The following CDH13 variants were observed in gnomAD, a reference collection of about 807,000 sequenced individuals.
CDH13 encodes the protein cadherin-13.
A neutral mutation model predicts 63.8 loss-of-function variants in CDH13; 24 were observed. That is an observed-to-expected ratio of 0.38 (90% CI 0.27 to 0.53). The LOEUF is 0.53. Ranked by LOEUF, CDH13 falls within the 20% of genes least tolerant of loss-of-function variation. CDH13 has a pLI of 0.85. For missense variants in CDH13, 1,049 were observed against 903.1 expected (o/e 1.16, Z -2.07); for synonymous variants, 503 against 355.3 (o/e 1.42, Z -4.67).
intron 8 of CDH13, among the ~76,000 whole-genome samples, chr16:83,624,059 G>A (rs750003354): frequency 7.2e-5 from 11 of 152,116 alleles, no homozygotes; most frequent in Non-Finnish European, 1.3e-4. Context: ...GTGCAGCTGC[G>A]TCTAAGCCCT....
chr16:83,111,356 TTAAAG>T (rs1433038788), intron 3 of CDH13, among the ~76,000 whole-genome samples: 2 of 152,072 alleles, frequency 1.3e-5, no homozygotes, highest in Admixed American at 1.3e-4. Context: ...GTGATTACAC[TTAAAG>T]TAGAGAGTCA....
intron 2 of CDH13, among the ~76,000 whole-genome samples, chr16:82,960,712 A>G (rs1228552502): frequency 6.6e-6 from 1 of 152,160 alleles, no homozygotes; most frequent in African/African-American, 2.4e-5. Context: ...CAAGTCTTAT[A>G]GAGGCTCATT....
At chr16:83,570,839 TTTTTA>T (rs1904529984) in intron 7 of CDH13, among the ~76,000 whole-genome samples, 1 of 53,616 alleles carries the variant, frequency 1.9e-5, no homozygotes, top group South Asian at 5.9e-4. Context: ...AAAATTTATA[TTTTTA>T]TATATATAAA....
intron 5 of CDH13, among the ~76,000 whole-genome samples, chr16:83,222,291 A>G (rs1163181862): frequency 1.3e-5 from 2 of 152,230 alleles, no homozygotes; most frequent in Non-Finnish European, 2.9e-5. Context: ...AAATTGAAAT[A>G]CAACTGGCAT....
At chr16:82,664,831 A>T (rs993795359) in intron 1 of CDH13, among the ~76,000 whole-genome samples, 17 of 152,334 alleles carry the variant, frequency 1.1e-4, no homozygotes, top group Non-Finnish European at 2.5e-4. Flanking sequence ...AATATATTTG[A>T]TACAGATATT....
At chr16:83,050,316 G>C (rs1365168580) in intron 3 of CDH13, among the ~76,000 whole-genome samples, 1 of 152,140 alleles carries the variant, frequency 6.6e-6, no homozygotes, top group Non-Finnish European at 1.5e-5. Context: ...CCCTAGGAGT[G>C]GAATTGCTGG....
intron 2 of CDH13, among the ~76,000 whole-genome samples, chr16:82,888,231 G>C (rs1051337284): frequency 1.3e-5 from 2 of 152,134 alleles, no homozygotes. Flanking sequence ...TCAGACGGGC[G>C]CTCCCATTGC....
chr16:82,793,952 T>C (rs1344438297), intron 1 of CDH13, among the ~76,000 whole-genome samples: 2 of 151,996 alleles, frequency 1.3e-5, no homozygotes, highest in African/African-American at 2.4e-5. Context: ...GCCAGGCTTT[T>C]ACTGGGTGGA....
chr16:83,333,201 A>G (rs1371654740), intron 5 of CDH13, among the ~76,000 whole-genome samples: 1 of 152,194 alleles, frequency 6.6e-6, no homozygotes, highest in African/African-American at 2.4e-5. Context: ...TTTAACTTGA[A>G]TAAGTGAAAT....
chr16:82,647,800 T>A (rs2150901621), intron 1 of CDH13, among the ~76,000 whole-genome samples: 1 of 152,266 alleles, frequency 6.6e-6, no homozygotes, highest in East Asian at 1.9e-4. Context: ...GGTGGTGAGC[T>A]GTCTGTCAGT....
At chr16:83,361,532 A>G (rs1375042578) in intron 6 of CDH13, among the ~76,000 whole-genome samples, 2 of 152,158 alleles carry the variant, frequency 1.3e-5, no homozygotes, top group Non-Finnish European at 2.9e-5. Flanking sequence ...GGCGTTTCCT[A>G]GGTTTTCTTC....
intron 8 of CDH13, among the ~76,000 whole-genome samples, chr16:83,648,557 G>A (rs1459945457): frequency 2.0e-5 from 3 of 152,140 alleles, no homozygotes; most frequent in African/African-American, 7.2e-5. Context: ...TGGTCAGTGA[G>A]TTACACTGGA....
At chr16:83,014,729 TAA>T (rs36157010) in intron 2 of CDH13, among the ~76,000 whole-genome samples, 96 of 22,276 alleles carry the variant, frequency 4.3e-3, no homozygotes, top group Admixed American at 7.0e-3. Context: ...AGACTCCATC[TAA>T]AAAAAAAAAA....
chr16:83,181,530 C>T (rs1044655094), intron 4 of CDH13, among the ~76,000 whole-genome samples: 2 of 152,108 alleles, frequency 1.3e-5, no homozygotes, highest in Admixed American at 1.3e-4. Context: ...GCAAAAATAC[C>T]CTCAGTTATG....
intron 11 of CDH13, among the ~76,000 whole-genome samples, chr16:83,773,221 G>A (rs1914874819): frequency 6.6e-6 from 1 of 152,200 alleles, no homozygotes; most frequent in Admixed American, 6.5e-5. Context: ...ACATCTCACA[G>A]GGACAGAGAA....
chr16:83,069,781 C>T (rs1478647424), intron 3 of CDH13, among the ~76,000 whole-genome samples: 1 of 152,100 alleles, frequency 6.6e-6, no homozygotes, highest in Non-Finnish European at 1.5e-5. Context: ...AGGAACTGGT[C>T]CATGCATCTC....
intron 7 of CDH13, among the ~76,000 whole-genome samples, chr16:83,508,642 A>G (rs1012361159): frequency 6.6e-6 from 1 of 152,160 alleles, no homozygotes; most frequent in Non-Finnish European, 1.5e-5. Flanking sequence ...AGTCTCCCAG[A>G]TGACCCCAGT....
At chr16:82,909,665 G>A (rs183470386) in intron 2 of CDH13, among the ~76,000 whole-genome samples, 12 of 152,130 alleles carry the variant, frequency 7.9e-5, no homozygotes, top group East Asian at 5.8e-4. Flanking sequence ...TAAAACCACC[G>A]GATCTCATGA....
At chr16:83,535,060 G>A (rs572562451) in intron 7 of CDH13, among the ~76,000 whole-genome samples, 1 of 152,306 alleles carries the variant, frequency 6.6e-6, no homozygotes, top group African/African-American at 2.4e-5. Context: ...CAGGTCCTGG[G>A]AATTATTAGG....
Sources: allele counts gnomAD v4.1 joint callset (sites outside exome capture counted in the v4.1 genomes callset), GRCh38; gene constraint gnomAD v4.1.1; transcripts MANE v1.5; gene names NCBI Gene and HGNC (gene_info 2026-07-23, HGNC 2026-07-21).